Variants in STK32B observed in about 807,000 individuals in gnomAD.
The protein encoded by STK32B is serine/threonine kinase 32B.
In STK32B, 43 loss-of-function variants were observed where a neutral mutation model predicts 52.6. That is an observed-to-expected ratio of 0.82 (90% CI 0.64 to 1.05). The LOEUF is 1.05. Ranked by LOEUF, STK32B falls within the 50% of genes least tolerant of loss-of-function variation. The pLI is 0.00. For missense variants in STK32B, 621 were observed against 534.6 expected (o/e 1.16, Z -1.59); for synonymous variants, 238 against 204.3 (o/e 1.17, Z -1.41).
intron 3 of STK32B, among the ~76,000 whole-genome samples, chr4:5,323,046 G>A (rs115986523): frequency 0.011 from 1,638 of 152,200 alleles, 23 homozygotes; most frequent in African/African-American, 0.038. Context: ...TAATGCCCAC[G>A]TCCCACGGTT....
chr4:5,262,787 AT>A lies in STK32B; in HGVS notation c.261-68431del, dbSNP rs146398562. ...GGACTTTGCTGGCAGGAAAGACACC[AT>A]TATAATCATTGCAGAGCTTATCTCT... On this transcript the variant is annotated intron_variant, in intron 3 of 11. Coordinates refer to ENST00000282908, the MANE Select transcript of STK32B (RefSeq NM_018401.3). Among the ~76,000 whole-genome samples the A allele has an allele frequency of 3.8e-3, 586 of 152,334 alleles. 3 individuals are homozygous for A. The highest frequency in any genetic ancestry group is 0.013 in the African/African-American group (527 of 41,574).
chr4:5,460,844 G>A lies in STK32B; in HGVS notation c.909+616G>A, dbSNP rs989056591. ...CCAGAGGGAATATAATAGGAAATGG[G>A]GCCAGGAGGGAACACATGCCACACC... On this transcript the variant is annotated intron_variant, in intron 9 of 11. Transcript: ENST00000282908. This position sits in a 1 kb window ranked among gnomAD's most constrained non-coding sequence, Gnocchi z 4.8. Among the ~76,000 whole-genome samples, 2 of 152,198 alleles carry A rather than the reference G, an allele frequency of 1.3e-5. No homozygotes were observed. Among genetic ancestry groups the A allele is most frequent in the African/African-American group, 4.8e-5 (2 of 41,450 alleles).
At chr4:5,446,608 C>G in intron 6 of STK32B, 65 bp from the exon 7 acceptor site, 1 of 1,374,780 alleles carries the variant, frequency 7.3e-7, no homozygotes, top group Non-Finnish European at 1.0e-6. Context: ...CTTGTCCCCT[C>G]TCTAAGGGGT....
chr4:5,288,463 G>A (rs1298706219), intron 3 of STK32B, among the ~76,000 whole-genome samples: 4 of 152,078 alleles, frequency 2.6e-5, no homozygotes, highest in East Asian at 1.9e-4. Context: ...TTGTGGTTTC[G>A]TGTTAAATGT....
At chr4:5,057,980 T>C (rs965481916) in intron 1 of STK32B, among the ~76,000 whole-genome samples, 8 of 152,144 alleles carry the variant, frequency 5.3e-5, no homozygotes, top group Admixed American at 5.2e-4. Flanking sequence ...ACACACTCTA[T>C]TAGGCTGAGG....
chr4:5,338,358 G>C (rs1560332804), intron 4 of STK32B, among the ~76,000 whole-genome samples: 1 of 152,176 alleles, frequency 6.6e-6, no homozygotes, highest in Non-Finnish European at 1.5e-5. Context: ...AGGCATTCTG[G>C]TTCTGGAATC....
intron 4 of STK32B, among the ~76,000 whole-genome samples, chr4:5,384,062 G>A (rs1015102018): frequency 2.6e-5 from 4 of 152,188 alleles, no homozygotes; most frequent in African/African-American, 9.7e-5. Context: ...TCCAGGCCAG[G>A]TAACAGCAAG....
chr4:5,334,881 G>GTAT (rs1052455376), intron 4 of STK32B, among the ~76,000 whole-genome samples: 16 of 152,094 alleles, frequency 1.1e-4, no homozygotes, highest in African/African-American at 3.6e-4. Context: ...CGGTTTGCCA[G>GTAT]TATTTTATTG....
At chr4:5,238,563 G>A (rs1356581309) in intron 3 of STK32B, among the ~76,000 whole-genome samples, 1 of 152,140 alleles carries the variant, frequency 6.6e-6, no homozygotes, top group Non-Finnish European at 1.5e-5. Flanking sequence ...ACCCGCTACA[G>A]AAGTTTTAAG....
At chr4:5,359,597 A>G (rs1398238433) in intron 4 of STK32B, among the ~76,000 whole-genome samples, 3 of 152,206 alleles carry the variant, frequency 2.0e-5, no homozygotes, top group African/African-American at 7.2e-5. Context: ...GTGAAATACT[A>G]TAGGAGCACA....
intron 3 of STK32B, among the ~76,000 whole-genome samples, chr4:5,269,777 T>C (rs368368574): frequency 3.3e-5 from 5 of 152,224 alleles, no homozygotes; most frequent in African/African-American, 1.2e-4. Flanking sequence ...TACACCCCAG[T>C]TGATTCTATG....
intron 3 of STK32B, among the ~76,000 whole-genome samples, chr4:5,227,144 T>C (rs1723928393): frequency 1.3e-5 from 2 of 152,220 alleles, no homozygotes; most frequent in South Asian, 4.1e-4. Context: ...AGAAATATTT[T>C]AATAGTTTGT....
chr4:5,206,146 C>T (rs1469640546), intron 3 of STK32B, among the ~76,000 whole-genome samples: 4 of 152,148 alleles, frequency 2.6e-5, no homozygotes, highest in African/African-American at 4.8e-5. Flanking sequence ...AGTTATGGGT[C>T]ATAGTCAAAT....
chr4:5,372,206 G>T (rs532893966), intron 4 of STK32B, among the ~76,000 whole-genome samples: 1 of 152,246 alleles, frequency 6.6e-6, no homozygotes, highest in African/African-American at 2.4e-5. Context: ...ACCGTGGCAA[G>T]CAGCAACAGA....
rs535135957 is a variant in STK32B, at chr4:5,394,989, G to A, written c.435-3218G>A. 6.6e-6 allele frequency among the ~76,000 whole-genome samples: 1 copy of A among 152,306 alleles called. No individual in the cohort carries two copies. The highest frequency in any genetic ancestry group is 1.5e-5 in the Non-Finnish European group (1 of 68,024). ...AAACTACAATCCACATGCCCACCGG[G>A]CTGCACTCCTTTCTGGAACATGGGG... On this transcript the variant is annotated intron_variant, in intron 4 of 11. Transcript: ENST00000282908. The surrounding 1 kb of genome is among the most constrained non-coding windows in gnomAD (Gnocchi z 4.2).
chr4:5,070,675 C>T (rs1711711248), intron 1 of STK32B, among the ~76,000 whole-genome samples: 1 of 151,040 alleles, frequency 6.6e-6, no homozygotes, highest in Non-Finnish European at 1.5e-5. Flanking sequence ...GACACAAAGA[C>T]ACAAGTAAGA....
At chr4:5,222,326 C>G (rs1313215821) in intron 3 of STK32B, among the ~76,000 whole-genome samples, 3 of 152,108 alleles carry the variant, frequency 2.0e-5, no homozygotes, top group Non-Finnish European at 4.4e-5. Flanking sequence ...TGAAACAGTT[C>G]TGAAGTGAAT....
the STK32B span, among the ~76,000 whole-genome samples, chr4:5,032,551 T>G: frequency 6.6e-6 from 1 of 151,788 alleles, no homozygotes; most frequent in East Asian, 1.9e-4. Flanking sequence ...TTTTCCATCT[T>G]TCATGATTTC....
chr4:5,500,702 C>A lies in STK32B; in HGVS notation c.*1619C>A, dbSNP rs574608713. On this transcript the variant is annotated 3_prime_UTR_variant, in exon 12 of 12. Coordinates refer to ENST00000282908, the MANE Select transcript of STK32B (RefSeq NM_018401.3). ...ATAGTCAGTGTTTTCCTCCTTTCAA[C>A]CGAGACTATTTCTGGATTGTGTGCT... The A allele has an allele frequency of 6.6e-6, 1 of 152,314 alleles. No homozygotes were observed. Among genetic ancestry groups the A allele is most frequent in the South Asian group, 2.1e-4 (1 of 4,826 alleles). 9.4% of individuals were successfully genotyped at this position (152,314 alleles called of 1,614,324 possible).
Sources: gnomAD v4.1 joint callset for allele counts (sites outside exome capture counted in the v4.1 genomes callset) on GRCh38, gnomAD v4.1.1 for gene constraint, Gnocchi (gnomAD v3.1) non-coding constraint, MANE v1.5 for transcripts, NCBI Gene and HGNC (gene_info 2026-07-23, HGNC 2026-07-21) for gene names.